CSMD1: variants seen among roughly 807,000 people sequenced by gnomAD.
CSMD1 encodes the protein CUB and Sushi multiple domains 1, also known as CUB and sushi domain-containing protein 1.
CSMD1 carries 213 observed loss-of-function variants against 417.5 expected under a neutral mutation model. That is an observed-to-expected ratio of 0.51 (90% CI 0.46 to 0.57). The LOEUF is 0.57. CSMD1 is among the 20% of genes least tolerant of loss of function. The probability of loss-of-function intolerance (pLI) is 0.00; values close to 1 mark genes in which losing one functional copy is unlikely to be tolerated. For missense variants in CSMD1, 6,923 were observed against 4,529.7 expected (o/e 1.53, Z -15.17); for synonymous variants, 2,862 against 1,736.8 (o/e 1.65, Z -16.11).
intron 5 of CSMD1, among the ~76,000 whole-genome samples, chr8:3,844,822 T>G (rs192869173): frequency 6.6e-6 from 1 of 152,266 alleles, no homozygotes; most frequent in East Asian, 1.9e-4. Context: ...ACAGATTTTG[T>G]TTTTGTTTTT....
chr8:4,835,142 G>A (rs145239119), intron 1 of CSMD1, among the ~76,000 whole-genome samples: 102 of 152,060 alleles, frequency 6.7e-4, no homozygotes, highest in Non-Finnish European at 1.2e-3. Flanking sequence ...TCTAGACCCA[G>A]TGAGCAAGAT....
At chr8:4,885,927 G>T (rs1054972284) in intron 1 of CSMD1, among the ~76,000 whole-genome samples, 2 of 152,010 alleles carry the variant, frequency 1.3e-5, no homozygotes, top group Admixed American at 6.6e-5. Flanking sequence ...TGTTTTCTTT[G>T]TAAGGATTTT....
intron 1 of CSMD1, among the ~76,000 whole-genome samples, chr8:4,966,853 T>C (rs1202388800): frequency 6.6e-6 from 1 of 152,156 alleles, no homozygotes; most frequent in Non-Finnish European, 1.5e-5. Flanking sequence ...TGAAGTTAAT[T>C]ATGTAAGATC....
At chr8:3,833,733 C>T (rs548359239) in intron 5 of CSMD1, among the ~76,000 whole-genome samples, 1 of 152,106 alleles carries the variant, frequency 6.6e-6, no homozygotes, top group Non-Finnish European at 1.5e-5. Context: ...TATGTTGGCA[C>T]TTACATGGAT....
chr8:3,092,711 C>G (rs943305263), intron 47 of CSMD1, among the ~76,000 whole-genome samples: 2 of 152,150 alleles, frequency 1.3e-5, no homozygotes, highest in Admixed American at 6.5e-5. Flanking sequence ...GAGAGTCACC[C>G]GGCATTGCCC....
At chr8:4,035,789 T>C (rs1444148326) in intron 3 of CSMD1, among the ~76,000 whole-genome samples, 2 of 152,158 alleles carry the variant, frequency 1.3e-5, no homozygotes, top group Non-Finnish European at 2.9e-5. Context: ...TAATTTATGA[T>C]TAAAAAAGAA....
intron 7 of CSMD1, among the ~76,000 whole-genome samples, chr8:3,663,602 C>T (rs1479034256): frequency 2.0e-5 from 3 of 152,162 alleles, no homozygotes; most frequent in Non-Finnish European, 4.4e-5. Context: ...GAGATAAACC[C>T]ATATCTGATT....
intron 25 of CSMD1, 174 bp from the exon 26 acceptor site, chr8:3,284,520 A>G (rs1186813872): frequency 8.2e-6 from 5 of 611,256 alleles, no homozygotes; most frequent in African/African-American, 5.5e-5. Context: ...AAGATAATTC[A>G]GGAGTGTAAA....
intron 25 of CSMD1, among the ~76,000 whole-genome samples, chr8:3,288,408 G>A (rs992275183): frequency 1.4e-5 from 2 of 147,026 alleles, no homozygotes; most frequent in South Asian, 2.1e-4. Context: ...GGTAGAATTC[G>A]GCTGTGAATC....
chr8:4,094,034 C>G (rs982333494), intron 3 of CSMD1, among the ~76,000 whole-genome samples: 10 of 151,214 alleles, frequency 6.6e-5, no homozygotes, highest in African/African-American at 2.4e-4. Context: ...CAAAGAAAAT[C>G]AATAGAATGC....
chr8:2,955,860 T>C lies in CSMD1; in HGVS notation c.9815-92A>G, dbSNP rs1281342116. ...TTAATAGATTAAAATAGTTTGGAAA[T>C]GGTTATGCAGTCAATATGTATATAT... On this transcript the variant is annotated intron_variant, in intron 63 of 69. Coordinates refer to ENST00000635120, the MANE Select transcript of CSMD1 (RefSeq NM_033225.6). 1.3e-5 allele frequency: 15 copies of C among 1,118,726 alleles called. No individual in the cohort carries two copies. In the Admixed American group the frequency reaches 3.2e-4, roughly 24 times the overall value. 69.3% of individuals were successfully genotyped at this position (1,118,726 alleles called of 1,614,324 possible). A position where few individuals can be genotyped will look rare whatever the true frequency, so the allele number is the denominator to read the frequency against.
intron 5 of CSMD1, among the ~76,000 whole-genome samples, chr8:3,882,202 G>C (rs542752430): frequency 6.6e-5 from 10 of 151,740 alleles, no homozygotes; most frequent in South Asian, 6.3e-4. Context: ...ACAAGAAAGA[G>C]AGAGACAACC....
intron 31 of CSMD1, among the ~76,000 whole-genome samples, chr8:3,204,110 T>C (rs1171111522): frequency 6.6e-6 from 1 of 152,230 alleles, no homozygotes; most frequent in Non-Finnish European, 1.5e-5. Context: ...TCATTAAAGA[T>C]TCGCTGTAAC....
intron 18 of CSMD1, chr8:3,373,568 A>C (rs977633462): frequency 6.6e-6 from 1 of 152,212 alleles, no homozygotes; most frequent in Non-Finnish European, 1.5e-5. Context: ...TGAGAGAATG[A>C]AATGAAATAC....
intron 1 of CSMD1, among the ~76,000 whole-genome samples, chr8:4,908,067 G>A (rs373035347): frequency 2.6e-5 from 4 of 152,078 alleles, no homozygotes; most frequent in African/African-American, 9.7e-5. Flanking sequence ...TTAATTTAAG[G>A]TGGTTTTCTT....
chr8:4,974,552 A>G (rs1452372201), intron 1 of CSMD1, among the ~76,000 whole-genome samples: 1 of 152,172 alleles, frequency 6.6e-6, no homozygotes, highest in Non-Finnish European at 1.5e-5. Flanking sequence ...CAGGCATACA[A>G]TCTTTGAAAA....
chr8:4,176,225 T>A (rs567086385), intron 3 of CSMD1, among the ~76,000 whole-genome samples: 1 of 152,072 alleles, frequency 6.6e-6, no homozygotes, highest in Non-Finnish European at 1.5e-5. Flanking sequence ...GTAGGCTATA[T>A]AGCTTATGTA....
At chr8:4,494,569 A>C (rs1801885744) in intron 2 of CSMD1, among the ~76,000 whole-genome samples, 1 of 152,220 alleles carries the variant, frequency 6.6e-6, no homozygotes, top group African/African-American at 2.4e-5. Flanking sequence ...TATGGATTAA[A>C]AATAATGCAA....
Position 3,537,760 on chromosome 8 carries a change from G to C in CSMD1, c.1344+37185C>G, listed in dbSNP as rs115810800. Among the ~76,000 whole-genome samples the C allele has an allele frequency of 1.3e-4, 20 of 152,248 alleles. No individual in the cohort carries two copies. In the East Asian group the frequency reaches 3.3e-3, roughly 25 times the overall value. On this transcript the variant is annotated intron_variant, in intron 10 of 69. Transcript: ENST00000635120. ...GTTTTTAACTATTTTATTTAGGACA[G>C]TAAAACAAGAACACTTCACCAATTA...
Sources: gnomAD v4.1 joint callset for allele counts (sites outside exome capture counted in the v4.1 genomes callset) on GRCh38, gnomAD v4.1.1 for gene constraint, MANE v1.5 for transcripts, NCBI Gene and HGNC (gene_info 2026-07-23, HGNC 2026-07-21) for gene names.